Variants in VPS33B observed in about 807,000 individuals in gnomAD.
VPS33B encodes vacuolar protein sorting-associated protein 33B.
In VPS33B, 80 loss-of-function variants were observed where a neutral mutation model predicts 95.3. The ratio of observed to expected loss-of-function variants is 0.84; its 90% CI spans 0.70 to 1.01. VPS33B has a LOEUF of 1.01. Ranked by LOEUF, VPS33B falls within the 50% of genes least tolerant of loss-of-function variation. VPS33B has a pLI of 0.00. For synonymous variants in VPS33B, 280 were observed against 280.4 expected (o/e 1.00, Z 0.01); for missense variants, 715 against 773.4 (o/e 0.92, Z 0.90).
Position 91,007,319 on chromosome 15 carries a change from C to G in VPS33B, c.603+150G>C. The G allele has an allele frequency of 1.2e-6, 1 of 855,430 alleles. No homozygotes were observed. The highest frequency in any genetic ancestry group is 1.9e-6 in the Non-Finnish European group (1 of 525,326). 53.0% of individuals were successfully genotyped at this position (855,430 alleles called of 1,614,324 possible). A position where few individuals can be genotyped will look rare whatever the true frequency, so the allele number is the denominator to read the frequency against. On this transcript the variant is annotated intron_variant, in intron 8 of 22. Coordinates refer to ENST00000333371, the MANE Select transcript of VPS33B (RefSeq NM_018668.5). The surrounding 1 kb of genome is among the most constrained non-coding windows in gnomAD (Gnocchi z 5.3). ...GGCTTTTGCTTCTCTGTTAGCCACA[C>G]AAGTTCTCCTCTCTGAGGATCTATT...
rs748560224 is a variant in VPS33B, at chr15:90,999,882, A to G, written c.1657+18T>C. The G allele has an allele frequency of 6.2e-7, 1 of 1,614,050 alleles. No homozygotes were observed. Among genetic ancestry groups the G allele is most frequent in the Non-Finnish European group, 8.5e-7 (1 of 1,180,004 alleles). On this transcript the variant is annotated intron_variant, in intron 21 of 22. Transcript: ENST00000333371. This position sits in a 1 kb window ranked among gnomAD's most constrained non-coding sequence, Gnocchi z 5.1. ...CCACCTCTCACTGCCAGCCTACCCC[A>G]CTGTTAATGCCACATACCTGTGAAT...
rs2040412220 is a variant in VPS33B at position 91,000,687 on chromosome 15, T to C, written c.1480-96A>G. The C allele has an allele frequency of 1.9e-6, 2 of 1,061,158 alleles. No individual in the cohort carries two copies. The highest frequency in any genetic ancestry group is 2.0e-5 in the Admixed American group (1 of 50,790). The allele number at this position is 1,061,158 out of a possible 1,614,324, so 65.7% of individuals were successfully genotyped here. ...GTGGCATGGCCCAAGGAACAATTCT[T>C]ATTTCAACTAAAGGGAGAACCAGCA... On this transcript the variant is annotated intron_variant, in intron 19 of 22. Transcript: ENST00000333371. This position sits in a 1 kb window ranked among gnomAD's most constrained non-coding sequence, Gnocchi z 4.9.
chr15:90,999,105 A>G lies in VPS33B; in HGVS notation c.1775-51T>C. 1 of 1,578,802 alleles carries G rather than the reference A, an allele frequency of 6.3e-7. No individual in the cohort carries two copies. The highest frequency in any genetic ancestry group is 8.7e-7 in the Non-Finnish European group (1 of 1,150,936). On this transcript the variant is annotated intron_variant, in intron 22 of 22. Coordinates refer to ENST00000333371, the MANE Select transcript of VPS33B (RefSeq NM_018668.5). The surrounding 1 kb of genome is among the most constrained non-coding windows in gnomAD (Gnocchi z 5.1). ...AGAGACAGCACAGATCTTAGGCCCC[A>G]ACGGCAACCCATAGAGCCTCTCCAG...
intron 1 of VPS33B, among the ~76,000 whole-genome samples, chr15:91,021,252 AAATG>A (rs940905280): frequency 7.9e-5 from 12 of 152,350 alleles, no homozygotes; most frequent in African/African-American, 2.6e-4. Flanking sequence ...TACAGACATA[AAATG>A]AATAACTAAA....
At position 91,006,245 on chromosome 15, in the gene VPS33B, CCT is replaced by C. The variant is rs1180064701; in HGVS notation, c.852+125_852+126del. 4 of 1,446,634 alleles carry C rather than the reference CCT, an allele frequency of 2.8e-6. No individual in the cohort carries two copies. Among genetic ancestry groups the C allele is most frequent in the Admixed American group, 1.7e-5 (1 of 59,028 alleles). 89.6% of individuals were successfully genotyped at this position (1,446,634 alleles called of 1,614,324 possible). ...AGATGCTCTGAACTGGTGGGGAAAC[CCT>C]CTCTCCCATAGACTCAGCCTCCCCT... is the stretch of plus-strand genomic sequence containing the variant. On this transcript the variant is annotated intron_variant, in intron 11 of 22. Transcript: ENST00000333371. The surrounding 1 kb of genome is among the most constrained non-coding windows in gnomAD (Gnocchi z 5.4).
Position 90,998,872 on chromosome 15 carries a change from C to T in VPS33B, c.*103G>A. The T allele has an allele frequency of 8.2e-7, 1 of 1,224,486 alleles. No homozygotes were observed. Among genetic ancestry groups the T allele is most frequent in the Admixed American group, 1.9e-5 (1 of 52,224 alleles). 75.9% of individuals were successfully genotyped at this position (1,224,486 alleles called of 1,614,324 possible). A position where few individuals can be genotyped will look rare whatever the true frequency, so the allele number is the denominator to read the frequency against. ...CACGTTCCATGCTCCCGGCTCTTAG[C>T]AGGTAGTTGGTGGACACTTGGTTAT... On this transcript the variant is annotated 3_prime_UTR_variant, in exon 23 of 23. Transcript: ENST00000333371. The surrounding 1 kb of genome is among the most constrained non-coding windows in gnomAD (Gnocchi z 4.8).
rs2040993199 is a variant in VPS33B, at chr15:91,018,011, C to T, written c.97-126G>A. The T allele has an allele frequency of 1.2e-6, 1 of 806,612 alleles. No homozygotes were observed. The highest frequency in any genetic ancestry group is 2.1e-6 in the Non-Finnish European group (1 of 466,812). 50.0% of individuals were successfully genotyped at this position (806,612 alleles called of 1,614,324 possible). A position where few individuals can be genotyped will look rare whatever the true frequency, so the allele number is the denominator to read the frequency against. ...GGGAGGGCACTAAGTATCGTCTAGC[C>T]CGTCACCTTATTTATTATCTGTATC... On this transcript the variant is annotated intron_variant, in intron 1 of 22. Transcript: ENST00000333371. This position sits in a 1 kb window ranked among gnomAD's most constrained non-coding sequence, Gnocchi z 4.7.
chr15:91,019,349 C>T (rs1413399544), intron 1 of VPS33B, among the ~76,000 whole-genome samples: 1 of 151,896 alleles, frequency 6.6e-6, no homozygotes, highest in Non-Finnish European at 1.5e-5. Context: ...AACCCCTGAC[C>T]TCCTCAGGTG....
At chr15:91,004,312 A>G (rs1172864532) in intron 16 of VPS33B, among the ~76,000 whole-genome samples, 11 of 152,142 alleles carry the variant, frequency 7.2e-5, no homozygotes, top group African/African-American at 2.7e-4. Flanking sequence ...ACAAGTTGCC[A>G]TGAAGGTTGC....
Position 91,022,303 on chromosome 15 carries a change from C to G in VPS33B, c.-54G>C, listed in dbSNP as rs1251453276. ...AAGGACGCCCTTCGTTCTGAGAAGG[C>G]CGGCCGCAGCCCAGGGAAGCGCAAG... On this transcript the variant is annotated 5_prime_UTR_variant, in exon 1 of 23. Coordinates refer to ENST00000333371, the MANE Select transcript of VPS33B (RefSeq NM_018668.5). 2 of 1,496,496 alleles carry G rather than the reference C, an allele frequency of 1.3e-6. No individual in the cohort carries two copies. The highest frequency in any genetic ancestry group is 1.8e-6 in the Non-Finnish European group (2 of 1,112,542). The allele number at this position is 1,496,496 out of a possible 1,614,324, so 92.7% of individuals were successfully genotyped here.
Position 91,007,809 on chromosome 15 carries a change from C to A in VPS33B, c.498+61G>T. On this transcript the variant is annotated intron_variant, in intron 7 of 22. Transcript: ENST00000333371. This position sits in a 1 kb window ranked among gnomAD's most constrained non-coding sequence, Gnocchi z 5.3. ...AAAGGTTATATTGGTATTTCTAGCCCTCTGCATCCCACATTTGTCCCCATC... is the reference window on the plus strand; with the variant it reads ...AAAGGTTATATTGGTATTTCTAGCCATCTGCATCCCACATTTGTCCCCATC... 6.7e-7 allele frequency: 1 copy of A among 1,486,576 alleles called. No homozygotes were observed. The highest frequency in any genetic ancestry group is 1.1e-5 in the South Asian group (1 of 88,440). The allele number at this position is 1,486,576 out of a possible 1,614,324, so 92.1% of individuals were successfully genotyped here. A position where few individuals can be genotyped will look rare whatever the true frequency, so the allele number is the denominator to read the frequency against.
At position 91,009,787 on chromosome 15, in the gene VPS33B, T is replaced by A; in HGVS notation, c.403+14A>T. 1.2e-6 allele frequency: 2 copies of A among 1,614,142 alleles called. No homozygotes were observed. Among genetic ancestry groups the A allele is most frequent in the African/African-American group, 1.3e-5 (1 of 75,054 alleles). ...GTTCTCTTTCCCTTTCCACTCACAT[T>A]CATCTCCTCTCACCTCCATAGATTC... is the stretch of plus-strand genomic sequence containing the variant. On this transcript the variant is annotated intron_variant, in intron 6 of 22. Coordinates refer to ENST00000333371, the MANE Select transcript of VPS33B (RefSeq NM_018668.5). The surrounding 1 kb of genome is among the most constrained non-coding windows in gnomAD (Gnocchi z 4.1).
At position 91,005,015 on chromosome 15, in the gene VPS33B, A is replaced by G; in HGVS notation, c.1170+40T>C. 1 of 1,614,172 alleles carries G rather than the reference A, an allele frequency of 6.2e-7. No homozygotes were observed. Among genetic ancestry groups the G allele is most frequent in the Non-Finnish European group, 8.5e-7 (1 of 1,180,030 alleles). Reference sequence around the variant, plus strand: ...TCTGCTTAAGGCCGACCCCACCTCTAAATGCCATTCTTGGCACCCCCAGCC... The same window carrying G: ...TCTGCTTAAGGCCGACCCCACCTCTGAATGCCATTCTTGGCACCCCCAGCC... On this transcript the variant is annotated intron_variant, in intron 15 of 22. Coordinates refer to ENST00000333371, the MANE Select transcript of VPS33B (RefSeq NM_018668.5). This position sits in a 1 kb window ranked among gnomAD's most constrained non-coding sequence, Gnocchi z 6.4.
chr15:91,018,392 T>C lies in VPS33B; in HGVS notation c.97-507A>G, dbSNP rs749856485. ...CCACCCCACAATCCCTGTCATACGA[T>C]TCCTGCACCACCACTCCTGACACCG... On this transcript the variant is annotated intron_variant, in intron 1 of 22. Coordinates refer to ENST00000333371, the MANE Select transcript of VPS33B (RefSeq NM_018668.5). This position sits in a 1 kb window ranked among gnomAD's most constrained non-coding sequence, Gnocchi z 4.7. Among the ~76,000 whole-genome samples the C allele has an allele frequency of 2.0e-5, 3 of 152,122 alleles. No homozygotes were observed. Among genetic ancestry groups the C allele is most frequent in the Non-Finnish European group, 4.4e-5 (3 of 68,026 alleles).
chr15:90,999,444 G>T lies in VPS33B; in HGVS notation c.1774+233C>A. 1 of 558,194 alleles carries T rather than the reference G, an allele frequency of 1.8e-6. No individual in the cohort carries two copies. Among genetic ancestry groups the T allele is most frequent in the Non-Finnish European group, 3.3e-6 (1 of 305,962 alleles). 34.6% of individuals were successfully genotyped at this position (558,194 alleles called of 1,614,324 possible). A position where few individuals can be genotyped will look rare whatever the true frequency, so the allele number is the denominator to read the frequency against. The stretch of plus-strand genomic sequence containing the variant: ...AGCAATTCTCCTGCCTCAGCCTCCC[G>T]AGTAGTTAGCATTACAGGCACCGGC... On this transcript the variant is annotated intron_variant, in intron 22 of 22. Transcript: ENST00000333371. The surrounding 1 kb of genome is among the most constrained non-coding windows in gnomAD (Gnocchi z 5.1).
chr15:91,017,407 TA>T (rs2040971302), intron 2 of VPS33B, among the ~76,000 whole-genome samples: 1 of 90,950 alleles, frequency 1.1e-5, no homozygotes. Context: ...TATATATATA[TA>T]TATATATATA....
At position 91,016,954 on chromosome 15, in the gene VPS33B, G is replaced by T. The variant is rs2040945671; in HGVS notation, c.239+9C>A. The T allele has an allele frequency of 6.2e-7, 1 of 1,613,846 alleles. No individual in the cohort carries two copies. Among genetic ancestry groups the T allele is most frequent in the Non-Finnish European group, 8.5e-7 (1 of 1,179,830 alleles). On this transcript the variant is annotated intron_variant, in intron 3 of 22. Transcript: ENST00000333371. ...CTTGGAGTAGGGACAGACTCTCCCAGACACTCACTGTTCATTGGAGCTGAG... is the reference window on the plus strand; with the variant it reads ...CTTGGAGTAGGGACAGACTCTCCCATACACTCACTGTTCATTGGAGCTGAG...
rs1212015540 is a variant in VPS33B at position 91,011,691 on chromosome 15, T to A, written c.358-1845A>T. 6.6e-6 allele frequency among the ~76,000 whole-genome samples: 1 copy of A among 152,314 alleles called. No homozygotes were observed. Among genetic ancestry groups the A allele is most frequent in the East Asian group, 1.9e-4 (1 of 5,186 alleles). ...AACTTGTAGGATTATTCCCTGTTAA[T>A]ACAAATCTGTCCTTGGCCAGGCGCA... On this transcript the variant is annotated intron_variant, in intron 5 of 22. Transcript: ENST00000333371. This position sits in a 1 kb window ranked among gnomAD's most constrained non-coding sequence, Gnocchi z 5.5.
At position 91,010,227 on chromosome 15, in the gene VPS33B, TTC is replaced by T. The variant is rs1214718025; in HGVS notation, c.358-383_358-382del. 2.0e-5 allele frequency among the ~76,000 whole-genome samples: 3 copies of T among 151,944 alleles called. No individual in the cohort carries two copies. Among genetic ancestry groups the T allele is most frequent in the Non-Finnish European group, 4.4e-5 (3 of 67,954 alleles). On this transcript the variant is annotated intron_variant, in intron 5 of 22. Coordinates refer to ENST00000333371, the MANE Select transcript of VPS33B (RefSeq NM_018668.5). The surrounding 1 kb of genome is among the most constrained non-coding windows in gnomAD (Gnocchi z 5.7). ...AAAGATCTGTACAAGGGAGAGTGAG[TTC>T]TGTTTAGGACATGCCCACGGGACCT...
Sources: gnomAD v4.1 joint callset for allele counts (sites outside exome capture counted in the v4.1 genomes callset) on GRCh38, gnomAD v4.1.1 for gene constraint, Gnocchi (gnomAD v3.1) non-coding constraint, MANE v1.5 for transcripts, NCBI Gene and HGNC (gene_info 2026-07-23, HGNC 2026-07-21) for gene names.